The following DAB1 variants were observed in gnomAD, a reference collection of about 807,000 sequenced individuals.
The protein encoded by DAB1 is DAB adaptor protein 1, also known as disabled homolog 1.
A neutral mutation model predicts 64.6 loss-of-function variants in DAB1; 15 were observed. That is an observed-to-expected ratio of 0.23 (90% confidence interval 0.16 to 0.36). The LOEUF is 0.36. Ranked by LOEUF, DAB1 falls within the 10% of genes least tolerant of loss-of-function variation. DAB1 has a pLI of 1.00. For missense variants in DAB1, 596 were observed against 706.7 expected, an observed-to-expected ratio of 0.84 and a Z score of 1.78; for synonymous variants, 235 against 251.9, an observed-to-expected ratio of 0.93 and a Z score of 0.64.
chr1:57,781,114 CTCTCTCTCTCTCTA>C (rs1244659865), intron 6 of DAB1, among the ~76,000 whole-genome samples: 9 of 62,764 alleles, frequency 1.4e-4, no homozygotes, highest in African/African-American at 2.4e-4. Flanking sequence ...CTCTCTCTCT[CTCTCTCTCTCTCTA>C]TATATATATA....
rs538404616 is a variant in DAB1 at position 57,740,967 on chromosome 1, A to C, written n.552-91302T>G. Among the ~76,000 whole-genome samples the C allele has an allele frequency of 1.2e-4, 19 of 152,248 alleles. No homozygotes were observed. In the South Asian group the frequency reaches 2.9e-3, roughly 23 times the overall value. On this transcript the variant is annotated intron_variant and non_coding_transcript_variant, in intron 6 of 20. Coordinates refer to the DAB1 transcript ENST00000485760. ...GAGGGGACACTTAAGCTTGGTTTTA[A>C]AGATTGAGGTGGGGTGTTGAAGGAT...
intron 4 of DAB1, among the ~76,000 whole-genome samples, chr1:58,277,027 C>G (rs1423949425): frequency 8.0e-6 from 1 of 125,480 alleles, no homozygotes; most frequent in Non-Finnish European, 1.6e-5. Context: ...GTTGCAGAGA[C>G]TTTTTTTTTC....
At chr1:57,955,226 C>T (rs1204169246) in intron 5 of DAB1, among the ~76,000 whole-genome samples, 1 of 152,154 alleles carries the variant, frequency 6.6e-6, no homozygotes, top group Non-Finnish European at 1.5e-5. Flanking sequence ...AACCTTGAGG[C>T]TCATGGCAGG....
rs546167934 is a variant in DAB1, at chr1:58,215,676, G to A, written n.310-65088C>T. Reference sequence around the variant, plus strand: ...TGGCCTTTCAGTTACTCCTTGAGGGGAGCCTCAAGTTCAAGTTCTTTGGAA... The same window carrying A: ...TGGCCTTTCAGTTACTCCTTGAGGGAAGCCTCAAGTTCAAGTTCTTTGGAA... On this transcript the variant is annotated intron_variant and non_coding_transcript_variant, in intron 4 of 20. Transcript: ENST00000485760. 6.1e-4 allele frequency among the ~76,000 whole-genome samples: 93 copies of A among 152,246 alleles called. 1 individual carries two copies. Among genetic ancestry groups the A allele is most frequent in the African/African-American group, 2.2e-3 (91 of 41,552 alleles).
rs191635319 is a variant in DAB1, at chr1:57,734,212, C to T, written n.552-84547G>A. On this transcript the variant is annotated intron_variant and non_coding_transcript_variant, in intron 6 of 20. Transcript: ENST00000485760. ...GGTGTGCCCTTGGGCAACTGAGTCA[C>T]CTCACTGCTCTGAACCCAGCTATTC... Among the ~76,000 whole-genome samples, 29 of 152,288 alleles carry T rather than the reference C, an allele frequency of 1.9e-4. 2 individuals carry two copies. The South Asian group carries it at 5.2e-3, about 27-fold the overall frequency.
At chr1:57,178,011 G>T (rs1259276830) in intron 2 of DAB1, among the ~76,000 whole-genome samples, 1 of 152,102 alleles carries the variant, frequency 6.6e-6, no homozygotes, top group African/African-American at 2.4e-5. Flanking sequence ...TTTCTCATCT[G>T]TAAAATGGGG....
chr1:57,396,588 T>C (rs533068635), intron 1 of DAB1, among the ~76,000 whole-genome samples: 4 of 152,338 alleles, frequency 2.6e-5, no homozygotes, highest in African/African-American at 9.6e-5. Flanking sequence ...GAGAAATGCA[T>C]ACCAGCACAG....
chr1:57,779,066 T>A (rs980302748), intron 6 of DAB1, among the ~76,000 whole-genome samples: 1 of 152,026 alleles, frequency 6.6e-6, no homozygotes, highest in Non-Finnish European at 1.5e-5. Flanking sequence ...ATAGGGGAAT[T>A]AATAAATAAA....
intron 2 of DAB1, among the ~76,000 whole-genome samples, chr1:57,237,075 C>T (rs1309441992): frequency 1.3e-5 from 2 of 152,206 alleles, no homozygotes; most frequent in Non-Finnish European, 2.9e-5. Flanking sequence ...CCAGAGGTTT[C>T]TGTCCCCATT....
intron 5 of DAB1, among the ~76,000 whole-genome samples, chr1:58,094,678 A>G (rs1452296635): frequency 6.6e-6 from 1 of 152,216 alleles, no homozygotes; most frequent in Non-Finnish European, 1.5e-5. Context: ...ATGTTCAAGA[A>G]ATGGTCCTTT....
chr1:58,416,228 G>C (rs1039550397), intron 3 of DAB1, among the ~76,000 whole-genome samples: 24 of 152,142 alleles, frequency 1.6e-4, no homozygotes, highest in African/African-American at 5.8e-4. Flanking sequence ...GATCACCCAA[G>C]AGCCTCTGGC....
At chr1:58,490,062 G>A (rs1009988702) in intron 3 of DAB1, among the ~76,000 whole-genome samples, 7 of 152,184 alleles carry the variant, frequency 4.6e-5, no homozygotes, top group African/African-American at 1.4e-4. Flanking sequence ...AACACAGCTC[G>A]TCACCAGCAA....
chr1:58,460,695 T>G (rs1645235369), intron 3 of DAB1, among the ~76,000 whole-genome samples: 1 of 152,248 alleles, frequency 6.6e-6, no homozygotes, highest in African/African-American at 2.4e-5. Flanking sequence ...TGAATCTCAT[T>G]GCTCTCTGAC....
At chr1:57,429,695 C>T (rs566621026) in intron 7 of DAB1, among the ~76,000 whole-genome samples, 2 of 152,132 alleles carry the variant, frequency 1.3e-5, no homozygotes, top group Non-Finnish European at 2.9e-5. Flanking sequence ...CAATTTCATT[C>T]TTTTGCTTGT....
chr1:57,657,071 G>A (rs1646327360), intron 6 of DAB1, among the ~76,000 whole-genome samples: 1 of 152,150 alleles, frequency 6.6e-6, no homozygotes, highest in African/African-American at 2.4e-5. Flanking sequence ...CACCTGCCTG[G>A]GCTTAGAACC....
At chr1:57,578,133 G>T (rs1292952156) in intron 7 of DAB1, among the ~76,000 whole-genome samples, 1 of 152,220 alleles carries the variant, frequency 6.6e-6, no homozygotes, top group Non-Finnish European at 1.5e-5. Context: ...ATTAGGTCAT[G>T]CCAGGGACTC....
chr1:58,376,587 C>G (rs2100542324), intron 3 of DAB1, among the ~76,000 whole-genome samples: 1 of 147,482 alleles, frequency 6.8e-6, no homozygotes, highest in South Asian at 2.1e-4. Context: ...CTGAGGAGAG[C>G]TTTACTTCCA....
intron 1 of DAB1, among the ~76,000 whole-genome samples, chr1:58,544,272 A>C (rs1646667068): frequency 6.6e-6 from 1 of 152,216 alleles, no homozygotes; most frequent in South Asian, 2.1e-4. Flanking sequence ...TTATTCATTC[A>C]TTCTGAAAAT....
intron 1 of DAB1, among the ~76,000 whole-genome samples, chr1:57,879,357 G>A (rs955220171): frequency 5.3e-5 from 8 of 152,150 alleles, no homozygotes; most frequent in African/African-American, 1.9e-4. Context: ...GCCACATGTT[G>A]AAGATGATGG....
Sources: gnomAD v4.1 joint callset for allele counts (sites outside exome capture counted in the v4.1 genomes callset) on GRCh38, gnomAD v4.1.1 for gene constraint, MANE v1.5 for transcripts, NCBI Gene and HGNC (gene_info 2026-07-23, HGNC 2026-07-21) for gene names.